Variants in IMMP1L observed in about 807,000 individuals in gnomAD.
The protein encoded by IMMP1L is mitochondrial inner membrane protease subunit 1.
Under a neutral mutation model 21.8 loss-of-function variants are expected in IMMP1L, and 24 were observed. That is an observed-to-expected ratio of 1.10 (90% CI 0.80 to 1.55). The LOEUF (loss-of-function observed/expected upper bound fraction) is 1.55, where lower values mean the gene tolerates loss of function less well. Among genes scored for constraint, IMMP1L ranks in the 40% most tolerant of loss-of-function variants. The pLI is 0.00. For missense variants in IMMP1L, 195 were observed against 200.7 expected (o/e 0.97, Z 0.17); for synonymous variants, 46 against 62.8 (o/e 0.73, Z 1.26).
chr11:31,499,157 G>A (rs948097386), intron 1 of IMMP1L, among the ~76,000 whole-genome samples: 3 of 152,118 alleles, frequency 2.0e-5, no homozygotes, highest in African/African-American at 7.2e-5. Context: ...GAGGTCAGGA[G>A]ATCAAGACCA....
At chr11:31,473,385 G>A (rs1422249904) in intron 1 of IMMP1L, among the ~76,000 whole-genome samples, 3 of 152,110 alleles carry the variant, frequency 2.0e-5, no homozygotes, top group Non-Finnish European at 4.4e-5. Flanking sequence ...AGAAACTGAG[G>A]AGCAGAGAGA....
intron 2 of IMMP1L, among the ~76,000 whole-genome samples, chr11:31,462,131 A>G (rs1216268656): frequency 1.3e-5 from 2 of 152,128 alleles, no homozygotes; most frequent in Admixed American, 6.6e-5. Flanking sequence ...CCTGGCCAAC[A>G]TGGTGAAACG....
intron 1 of IMMP1L, among the ~76,000 whole-genome samples, chr11:31,496,554 C>G (rs546288882): frequency 1.3e-5 from 2 of 151,654 alleles, no homozygotes; most frequent in East Asian, 3.9e-4. Flanking sequence ...TTTACAATAG[C>G]CAAAGGTAGA....
At chr11:31,462,272 C>CT (rs1426566426) in intron 2 of IMMP1L, among the ~76,000 whole-genome samples, 1 of 148,386 alleles carries the variant, frequency 6.7e-6, no homozygotes, top group Non-Finnish European at 1.5e-5. Flanking sequence ...ACTGAGATCA[C>CT]TTGATTGCAC....
In IMMP1L at chr11:31,438,421, T is replaced by C. The variant is rs148308007; in HGVS notation, c.322-4851A>G. Reference sequence around the variant, plus strand: ...CATTGTACCAGTCCTTTATTTACCATGGATACAAGTCCTTTGATGGGATTG... The same window carrying C: ...CATTGTACCAGTCCTTTATTTACCACGGATACAAGTCCTTTGATGGGATTG... On this transcript the variant is annotated intron_variant, in intron 4 of 5. Transcript: ENST00000532287. Among the ~76,000 whole-genome samples the C allele has an allele frequency of 8.1e-4, 124 of 152,284 alleles. 1 individual carries two copies. Among genetic ancestry groups the C allele is most frequent in the Admixed American group, 3.3e-3 (51 of 15,296 alleles).
At chr11:31,446,953 T>TTAGTGTG (rs1365578803) in intron 4 of IMMP1L, among the ~76,000 whole-genome samples, 1 of 152,206 alleles carries the variant, frequency 6.6e-6, no homozygotes, top group Non-Finnish European at 1.5e-5. Flanking sequence ...AAATTAAGAA[T>TTAGTGTG]TCAGTTCCTC....
At chr11:31,492,808 T>G (rs1955301183) in intron 1 of IMMP1L, among the ~76,000 whole-genome samples, 1 of 152,170 alleles carries the variant, frequency 6.6e-6, no homozygotes, top group Non-Finnish European at 1.5e-5. Context: ...ATTTACTGAT[T>G]AAGTTAACAT....
rs948542648 is a variant in IMMP1L at position 31,489,841 on chromosome 11, C to G, written c.-30+19678G>C. Among the ~76,000 whole-genome samples the G allele has an allele frequency of 2.6e-5, 4 of 152,100 alleles. No individual in the cohort carries two copies. The South Asian group carries it at 8.3e-4, about 32-fold the overall frequency. ...ATATATCGTTTCATCCACTTACAAG[C>G]ACCATGTTTGATCTCAAAAATCTTA... On this transcript the variant is annotated intron_variant, in intron 1 of 5. Coordinates refer to ENST00000532287, the MANE Select transcript of IMMP1L (RefSeq NM_001304274.2).
intron 4 of IMMP1L, among the ~76,000 whole-genome samples, chr11:31,455,216 C>T (rs1052713945): frequency 1.3e-5 from 2 of 152,078 alleles, no homozygotes; most frequent in Non-Finnish European, 2.9e-5. Context: ...AATAAATTTA[C>T]GATGACATTG....
intron 3 of IMMP1L, among the ~76,000 whole-genome samples, chr11:31,458,907 T>C (rs1372038414): frequency 6.6e-6 from 1 of 152,176 alleles, no homozygotes; most frequent in Non-Finnish European, 1.5e-5. Context: ...CAAAAACTAT[T>C]CAGCCAACAA....
Position 31,436,723 on chromosome 11 carries a change from C to T in IMMP1L, c.322-3153G>A, listed in dbSNP as rs551825530. 1.5e-4 allele frequency among the ~76,000 whole-genome samples: 23 copies of T among 152,154 alleles called. No homozygotes were observed. In the East Asian group the frequency reaches 1.9e-3, roughly 13 times the overall value. ...GTGGGATTACAGGGGTGAGCCAGTG[C>T]GCCCAACCATCGCTGGAGTAATATA... On this transcript the variant is annotated intron_variant, in intron 4 of 5. Transcript: ENST00000532287.
chr11:31,446,997 C>T (rs1368448199), intron 4 of IMMP1L, among the ~76,000 whole-genome samples: 1 of 152,174 alleles, frequency 6.6e-6, no homozygotes, highest in African/African-American at 2.4e-5. Context: ...TGCTCAACAG[C>T]CATGTGTGCC....
At chr11:31,470,386 C>T (rs1954504422) in intron 1 of IMMP1L, among the ~76,000 whole-genome samples, 1 of 150,278 alleles carries the variant, frequency 6.7e-6, no homozygotes, top group Non-Finnish European at 1.5e-5. Flanking sequence ...GCACTCCAGC[C>T]TGGGCAATAA....
intron 1 of IMMP1L, among the ~76,000 whole-genome samples, chr11:31,471,443 A>C (rs1030059022): frequency 3.3e-5 from 5 of 152,148 alleles, no homozygotes; most frequent in Admixed American, 1.3e-4. Context: ...TCTCCTAATC[A>C]TTGAAGGAGT....
intron 1 of IMMP1L, among the ~76,000 whole-genome samples, chr11:31,467,048 C>G (rs1209522666): frequency 6.6e-6 from 1 of 151,916 alleles, no homozygotes; most frequent in Admixed American, 6.6e-5. Context: ...TACATACCAA[C>G]TAAATATAAA....
At chr11:31,468,954 T>C (rs1291805875) in intron 1 of IMMP1L, among the ~76,000 whole-genome samples, 1 of 152,144 alleles carries the variant, frequency 6.6e-6, no homozygotes, top group Non-Finnish European at 1.5e-5. Context: ...AATTTCTCCA[T>C]ATCCTTGCCA....
In IMMP1L at chr11:31,497,347, T is replaced by C. The variant is rs111991390; in HGVS notation, c.-30+12172A>G. ...CAAGAATATAGTATGATTCCACTTA[T>C]ATGAGGTGCTTATAATAAGTTGGCA... On this transcript the variant is annotated intron_variant, in intron 1 of 5. Coordinates refer to ENST00000532287, the MANE Select transcript of IMMP1L (RefSeq NM_001304274.2). 9.5e-3 allele frequency among the ~76,000 whole-genome samples: 1,450 copies of C among 152,158 alleles called. 27 individuals are homozygous for C. Among genetic ancestry groups the C allele is most frequent in the African/African-American group, 0.033 (1,390 of 41,516 alleles).
chr11:31,486,649 T>C (rs1407285904), intron 1 of IMMP1L, among the ~76,000 whole-genome samples: 1 of 151,926 alleles, frequency 6.6e-6, no homozygotes, highest in African/African-American at 2.4e-5. Context: ...AGCAATGTCA[T>C]CAAATACTAG....
intron 1 of IMMP1L, among the ~76,000 whole-genome samples, chr11:31,474,824 A>T (rs1954675106): frequency 6.6e-6 from 1 of 152,216 alleles, no homozygotes; most frequent in African/African-American, 2.4e-5. Context: ...AAAACCTAAT[A>T]TCAACCAAAA....
Sources: allele counts gnomAD v4.1 joint callset (sites outside exome capture counted in the v4.1 genomes callset), GRCh38; gene constraint gnomAD v4.1.1; transcripts MANE v1.5; gene names NCBI Gene and HGNC (gene_info 2026-07-23, HGNC 2026-07-21).